RBFOX1: variants seen among roughly 807,000 people sequenced by gnomAD.
RBFOX1 encodes RNA binding fox-1 homolog 1.
RBFOX1 carries 8 observed loss-of-function variants against 57.7 expected under a neutral mutation model. That is an observed-to-expected ratio of 0.14 (90% CI 0.08 to 0.25). The LOEUF (loss-of-function observed/expected upper bound fraction) is 0.25, where lower values mean the gene tolerates loss of function less well. Among genes scored for constraint, RBFOX1 ranks in the 10% least tolerant of loss-of-function variants. The pLI is 1.00. For synonymous variants in RBFOX1, 326 were observed against 222.4 expected, an observed-to-expected ratio of 1.47 and a Z score of -4.15; for missense variants, 611 against 548.5, an observed-to-expected ratio of 1.11 and a Z score of -1.14.
intron 3 of RBFOX1, among the ~76,000 whole-genome samples, chr16:6,784,657 G>C (rs988169654): frequency 1.3e-5 from 2 of 151,742 alleles, no homozygotes. Context: ...TGTTTTCCTA[G>C]ATGTTCTCCT....
chr16:5,653,994 T>C (rs1208449000), intron 3 of RBFOX1, among the ~76,000 whole-genome samples: 1 of 152,110 alleles, frequency 6.6e-6, no homozygotes, highest in African/African-American at 2.4e-5. Flanking sequence ...CGCAGCAGGG[T>C]GGGCAGGCGG....
chr16:6,208,482 C>A (rs935782947), intron 1 of RBFOX1, among the ~76,000 whole-genome samples: 1 of 152,030 alleles, frequency 6.6e-6, no homozygotes, highest in Admixed American at 6.6e-5. Context: ...CCAAAGAGTC[C>A]CTGCCCCTTT....
intron 4 of RBFOX1, among the ~76,000 whole-genome samples, chr16:7,199,410 C>T (rs1378972531): frequency 6.6e-6 from 1 of 152,130 alleles, no homozygotes; most frequent in Non-Finnish European, 1.5e-5. Context: ...CAAATAGGCC[C>T]TGAATCATGC....
intron 2 of RBFOX1, among the ~76,000 whole-genome samples, chr16:5,532,313 C>A (rs764307156): frequency 6.6e-6 from 1 of 152,176 alleles, no homozygotes; most frequent in Non-Finnish European, 1.5e-5. Flanking sequence ...AGCAACATCG[C>A]CATCACTTGA....
chr16:5,583,745 T>C (rs1010505766), intron 2 of RBFOX1, among the ~76,000 whole-genome samples: 5 of 152,234 alleles, frequency 3.3e-5, no homozygotes, highest in African/African-American at 1.2e-4. Flanking sequence ...TGTCCTATGA[T>C]GTAGGCTGTT....
intron 2 of RBFOX1, among the ~76,000 whole-genome samples, chr16:6,628,729 G>T (rs1185701761): frequency 6.6e-6 from 1 of 152,158 alleles, no homozygotes; most frequent in Non-Finnish European, 1.5e-5. Context: ...GATGAGGTTT[G>T]ACAGCTGAGT....
rs144732463 is a variant in RBFOX1, at chr16:5,823,112, T to G, written c.319-44191T>G. On this transcript the variant is annotated intron_variant, in intron 3 of 19. Coordinates refer to the RBFOX1 transcript ENST00000641259. ...TTTTCCCTCTTAGCGTATTAAACCC[T>G]TCTGCCTACCCATTGCCTTACCCTG... Among the ~76,000 whole-genome samples the G allele has an allele frequency of 4.9e-3, 746 of 152,312 alleles. 5 individuals are homozygous for G. Among genetic ancestry groups the G allele is most frequent in the Non-Finnish European group, 6.1e-3 (413 of 68,018 alleles).
At position 7,459,574 on chromosome 16, in the gene RBFOX1, G is replaced by C. The variant is rs149690863; in HGVS notation, c.28-58573G>C. Among the ~76,000 whole-genome samples, 461 of 152,304 alleles carry C rather than the reference G, an allele frequency of 3.0e-3. 1 individual carries two copies. The highest frequency in any genetic ancestry group is 9.8e-3 in the African/African-American group (407 of 41,572). ...AAAATTTCATCTGTTAATTGGAAAA[G>C]TTACAGATATTGCAGCCATTCACCT... On this transcript the variant is annotated intron_variant, in intron 4 of 15. Coordinates refer to ENST00000550418, the MANE Select transcript of RBFOX1 (RefSeq NM_018723.4).
intron 4 of RBFOX1, among the ~76,000 whole-genome samples, chr16:5,983,825 G>C (rs923541120): frequency 6.6e-6 from 1 of 150,692 alleles, no homozygotes; most frequent in African/African-American, 2.4e-5. Flanking sequence ...GGCTGTTCAG[G>C]CGTTCTTCCC....
chr16:6,931,611 C>T (rs74412211), intron 3 of RBFOX1, among the ~76,000 whole-genome samples: 1 of 152,172 alleles, frequency 6.6e-6, no homozygotes, highest in African/African-American at 2.4e-5. Context: ...CCCACAACCA[C>T]CACAATGCTT....
At chr16:6,592,556 T>G (rs2097726296) in intron 2 of RBFOX1, among the ~76,000 whole-genome samples, 1 of 152,226 alleles carries the variant, frequency 6.6e-6, no homozygotes, top group Admixed American at 6.5e-5. Context: ...GGAGTCAGAT[T>G]ACAGGAGTCC....
At chr16:5,836,353 T>C (rs1416422610) in intron 3 of RBFOX1, among the ~76,000 whole-genome samples, 1 of 152,148 alleles carries the variant, frequency 6.6e-6, no homozygotes, top group African/African-American at 2.4e-5. Context: ...AGTGGGGTAG[T>C]TCTGAGGCAG....
intron 3 of RBFOX1, among the ~76,000 whole-genome samples, chr16:6,770,163 T>C (rs1044881582): frequency 3.3e-5 from 5 of 152,216 alleles, no homozygotes; most frequent in African/African-American, 9.7e-5. Context: ...GTGTCTGTTA[T>C]TGTAAATATT....
At chr16:7,274,903 C>G (rs771936851) in intron 4 of RBFOX1, among the ~76,000 whole-genome samples, 5 of 151,976 alleles carry the variant, frequency 3.3e-5, no homozygotes, top group Non-Finnish European at 2.9e-5. Context: ...CAGGCTGTCT[C>G]GAGCTCTTGG....
intron 4 of RBFOX1, among the ~76,000 whole-genome samples, chr16:7,114,716 C>A (rs958096376): frequency 4.1e-4 from 63 of 152,316 alleles, no homozygotes; most frequent in African/African-American, 1.4e-3. Flanking sequence ...TTCCTTTCTA[C>A]GCTCATGAAG....
At position 6,281,349 on chromosome 16, in the gene RBFOX1, G is replaced by A. The variant is rs924646056; in HGVS notation, c.-126-35646G>A. Among the ~76,000 whole-genome samples the A allele has an allele frequency of 2.0e-5, 3 of 152,062 alleles. No individual in the cohort carries two copies. The South Asian group carries it at 6.2e-4, about 32-fold the overall frequency. On this transcript the variant is annotated intron_variant, in intron 1 of 15. Transcript: ENST00000550418. ...CATCTCAGAGAGATTATGCACACCG[G>A]GAAGTGTTACTCTGCATAGAAGTAG...
intron 3 of RBFOX1, among the ~76,000 whole-genome samples, chr16:6,819,034 C>T (rs1362539644): frequency 1.3e-5 from 2 of 152,194 alleles, no homozygotes; most frequent in Admixed American, 6.5e-5. Flanking sequence ...CAGAGATGGA[C>T]TATCAACGGC....
chr16:6,352,601 A>G (rs1337410358), intron 2 of RBFOX1, among the ~76,000 whole-genome samples: 1 of 152,194 alleles, frequency 6.6e-6, no homozygotes, highest in Non-Finnish European at 1.5e-5. Flanking sequence ...AAAATCGTCT[A>G]TTTATCCTGT....
At chr16:6,930,676 C>G (rs542197583) in intron 3 of RBFOX1, among the ~76,000 whole-genome samples, 1 of 152,298 alleles carries the variant, frequency 6.6e-6, no homozygotes, top group African/African-American at 2.4e-5. Flanking sequence ...TCCCAAGTTG[C>G]TGGGATTACA....
Sources: gnomAD v4.1 joint callset for allele counts (sites outside exome capture counted in the v4.1 genomes callset) on GRCh38, gnomAD v4.1.1 for gene constraint, MANE v1.5 for transcripts, NCBI Gene and HGNC (gene_info 2026-07-23, HGNC 2026-07-21) for gene names.